The following RBFOX1 variants were observed in gnomAD, a reference collection of about 807,000 sequenced individuals.
The protein encoded by RBFOX1 is RNA binding protein fox-1 homolog 1.
A neutral mutation model predicts 57.7 loss-of-function variants in RBFOX1; 8 were observed. The observed-to-expected ratio is 0.14, with a 90% CI of 0.08 to 0.25. The LOEUF is 0.25. RBFOX1 is among the 10% of genes least tolerant of loss of function. The pLI is 1.00. For missense variants in RBFOX1, 611 were observed against 548.5 expected (o/e 1.11, Z -1.14); for synonymous variants, 326 against 222.4 (o/e 1.47, Z -4.15).
chr16:5,620,087 A>C, intron 3 of RBFOX1, among the ~76,000 whole-genome samples: 1 of 151,952 alleles, frequency 6.6e-6, no homozygotes, highest in Non-Finnish European at 1.5e-5. Context: ...GGCCTCGCTT[A>C]CTTTCCTAGT....
intron 1 of RBFOX1, among the ~76,000 whole-genome samples, chr16:6,077,435 T>A (rs1188428565): frequency 4.6e-5 from 7 of 152,182 alleles, no homozygotes; most frequent in Non-Finnish European, 1.0e-4. Flanking sequence ...AGAAGTGATA[T>A]TGCGTCACTG....
intron 3 of RBFOX1, among the ~76,000 whole-genome samples, chr16:6,687,680 T>C (rs1568217557): frequency 6.6e-6 from 1 of 152,150 alleles, no homozygotes; most frequent in Non-Finnish European, 1.5e-5. Flanking sequence ...TAGCTGTATT[T>C]ATGTCCTGTA....
At chr16:6,835,888 T>G (rs750117165) in intron 3 of RBFOX1, among the ~76,000 whole-genome samples, 6 of 151,968 alleles carry the variant, frequency 3.9e-5, no homozygotes, top group Non-Finnish European at 8.8e-5. Flanking sequence ...TCCACCTTTA[T>G]GGTTGCCAAA....
At chr16:6,431,896 G>GCTTGCTTTCTTTCTTTCTTTTTCTTT (rs1491277692) in intron 2 of RBFOX1, among the ~76,000 whole-genome samples, 1 of 128,120 alleles carries the variant, frequency 7.8e-6, no homozygotes, top group African/African-American at 3.1e-5. Context: ...TTGCTTGCTT[G>GCTTGCTTTCTTTCTTTCTTTTTCTTT]CTTTCTTTCT....
intron 2 of RBFOX1, among the ~76,000 whole-genome samples, chr16:5,494,020 C>G (rs574123222): frequency 4.6e-5 from 7 of 152,316 alleles, no homozygotes; most frequent in African/African-American, 1.4e-4. Flanking sequence ...TTTGTGAAGA[C>G]TCACGAGGTG....
chr16:7,054,554 AT>A (rs1221110362), intron 4 of RBFOX1, among the ~76,000 whole-genome samples: 5 of 104,716 alleles, frequency 4.8e-5, no homozygotes, highest in Non-Finnish European at 1.1e-4. Flanking sequence ...GTGGGGGGGC[AT>A]TTTTTAAGGG....
chr16:6,874,703 C>G (rs553240799), intron 3 of RBFOX1, among the ~76,000 whole-genome samples: 2 of 151,814 alleles, frequency 1.3e-5, no homozygotes, highest in South Asian at 2.1e-4. Context: ...CATATTCTCG[C>G]TTATAAGTGG....
At chr16:5,908,295 TATATATACACAC>T (rs1270382219) in intron 4 of RBFOX1, among the ~76,000 whole-genome samples, 2 of 143,800 alleles carry the variant, frequency 1.4e-5, no homozygotes, top group Non-Finnish European at 3.0e-5. Flanking sequence ...TATACACATA[TATATATACACAC>T]ATATATACAC....
intron 4 of RBFOX1, among the ~76,000 whole-genome samples, chr16:7,167,671 A>G (rs1179489381): frequency 6.6e-6 from 1 of 152,214 alleles, no homozygotes; most frequent in Non-Finnish European, 1.5e-5. Flanking sequence ...CTAATTCACT[A>G]GAGGGCTGCA....
chr16:6,896,581 C>A (rs1196087657), intron 3 of RBFOX1, among the ~76,000 whole-genome samples: 1 of 152,138 alleles, frequency 6.6e-6, no homozygotes, highest in Non-Finnish European at 1.5e-5. Flanking sequence ...CCATCTTTGT[C>A]ATTGCAAATG....
In RBFOX1 at chr16:7,690,368, G is replaced by A. The variant is rs143177255; in HGVS notation, c.995+13530G>A. On this transcript the variant is annotated intron_variant, in intron 14 of 15. Transcript: ENST00000550418. ...TGCTGAGGCCCGAGACCCAGTTTCAGAGGTTACCATTTAATTGGTCTTCAG... is the reference window on the plus strand; with the variant it reads ...TGCTGAGGCCCGAGACCCAGTTTCAAAGGTTACCATTTAATTGGTCTTCAG... Among the ~76,000 whole-genome samples the A allele has an allele frequency of 4.9e-3, 741 of 152,242 alleles. 5 individuals are homozygous for A. Among genetic ancestry groups the A allele is most frequent in the Middle Eastern group, 0.017 (5 of 294 alleles).
At chr16:7,271,620 G>A (rs139915769) in intron 4 of RBFOX1, among the ~76,000 whole-genome samples, 2 of 152,114 alleles carry the variant, frequency 1.3e-5, no homozygotes, top group African/African-American at 4.8e-5. Context: ...AAACTTAGAA[G>A]ATACGTGACT....
In RBFOX1 at chr16:6,415,938, T is replaced by A. The variant is rs73536070; in HGVS notation, c.-64+98881T>A. On this transcript the variant is annotated intron_variant, in intron 2 of 15. Transcript: ENST00000550418. Reference sequence around the variant, plus strand: ...TGAGGACCTTGGTTTAATCAGGATATCAAAATTTGTTGTTTCCTTGTGCTT... The same window carrying A: ...TGAGGACCTTGGTTTAATCAGGATAACAAAATTTGTTGTTTCCTTGTGCTT... 4.5e-3 allele frequency among the ~76,000 whole-genome samples: 685 copies of A among 152,334 alleles called. 8 individuals are homozygous for A. The highest frequency in any genetic ancestry group is 0.015 in the African/African-American group (640 of 41,558).
intron 3 of RBFOX1, among the ~76,000 whole-genome samples, chr16:6,670,932 G>A (rs796341030): frequency 5.3e-5 from 8 of 152,190 alleles, no homozygotes; most frequent in African/African-American, 1.4e-4. Context: ...CCCAGGAGGC[G>A]GAGCTTGCAG....
At chr16:6,443,953 C>T (rs1180007673) in intron 2 of RBFOX1, among the ~76,000 whole-genome samples, 1 of 152,052 alleles carries the variant, frequency 6.6e-6, no homozygotes, top group Non-Finnish European at 1.5e-5. Flanking sequence ...ATGATTTGAA[C>T]AGTGTTAGTA....
chr16:5,596,003 C>G (rs1262804545), intron 2 of RBFOX1, among the ~76,000 whole-genome samples: 1 of 152,112 alleles, frequency 6.6e-6, no homozygotes, highest in Non-Finnish European at 1.5e-5. Flanking sequence ...GCTTCCTGTG[C>G]TCCTGATGAA....
intron 4 of RBFOX1, among the ~76,000 whole-genome samples, chr16:7,226,842 AGATT>A (rs1235776173): frequency 1.3e-5 from 2 of 152,198 alleles, no homozygotes; most frequent in South Asian, 4.1e-4. Context: ...TGTAAGTCAG[AGATT>A]GCCAACTTCA....
intron 1 of RBFOX1, among the ~76,000 whole-genome samples, chr16:6,275,578 C>G (rs892528444): frequency 6.6e-6 from 1 of 152,110 alleles, no homozygotes; most frequent in Admixed American, 6.5e-5. Flanking sequence ...ATATGGTAGA[C>G]ATGGGGGAGT....
At chr16:7,439,748 A>G (rs1237046392) in intron 4 of RBFOX1, among the ~76,000 whole-genome samples, 1 of 152,228 alleles carries the variant, frequency 6.6e-6, no homozygotes, top group Non-Finnish European at 1.5e-5. Context: ...TTCCTCATGC[A>G]TATTCTTTCC....
Sources: gnomAD v4.1 joint callset for allele counts (sites outside exome capture counted in the v4.1 genomes callset) on GRCh38, gnomAD v4.1.1 for gene constraint, MANE v1.5 for transcripts, NCBI Gene and HGNC (gene_info 2026-07-23, HGNC 2026-07-21) for gene names.